Variants in MPPED1 observed in about 807,000 individuals in gnomAD.
MPPED1 encodes metallophosphoesterase domain containing 1, also known as metallophosphoesterase domain-containing protein 1.
Under a neutral mutation model 36.2 loss-of-function variants are expected in MPPED1, and 16 were observed. The ratio of observed to expected loss-of-function variants is 0.44; its 90% confidence interval spans 0.30 to 0.67. The LOEUF (loss-of-function observed/expected upper bound fraction) is 0.67, where lower values mean the gene tolerates loss of function less well. Ranked by LOEUF, MPPED1 falls within the 30% of genes least tolerant of loss-of-function variation. The pLI is 0.10. For missense variants in MPPED1, 307 were observed against 453.4 expected, an observed-to-expected ratio of 0.68 and a Z score of 2.93; for synonymous variants, 199 against 191.3, an observed-to-expected ratio of 1.04 and a Z score of -0.33.
chr22:43,490,917 C>T (rs1230421262), intron 4 of MPPED1, among the ~76,000 whole-genome samples: 1 of 152,202 alleles, frequency 6.6e-6, no homozygotes. Flanking sequence ...CAGGTTAGAA[C>T]TGGGGCAGCC....
chr22:43,425,830 G>A (rs558081253), intron 2 of MPPED1, among the ~76,000 whole-genome samples: 2 of 152,350 alleles, frequency 1.3e-5, no homozygotes, highest in East Asian at 3.9e-4. Flanking sequence ...TCTGCCCCTC[G>A]GGGCATTGGG....
At chr22:43,472,727 C>T (rs759986967) in intron 3 of MPPED1, among the ~76,000 whole-genome samples, 1 of 152,194 alleles carries the variant, frequency 6.6e-6, no homozygotes, top group Non-Finnish European at 1.5e-5. Flanking sequence ...CCTTTCTTAC[C>T]GCCCTGGCCC....
Position 43,505,502 on chromosome 22 carries a change from T to C in MPPED1, c.867T>C (p.Tyr289=), listed in dbSNP as rs1307919508. 1.2e-6 allele frequency: 2 copies of C among 1,607,332 alleles called. No individual in the cohort carries two copies. Among genetic ancestry groups the C allele is most frequent in the Non-Finnish European group, 1.7e-6 (2 of 1,177,066 alleles). Reference sequence around the variant, plus strand: ...GGGCATGTGCTTACTTTCCAGGGTATGGTGTCATGGCAGATGGGACGACCA... The same window carrying C: ...GGGCATGTGCTTACTTTCCAGGGTACGGTGTCATGGCAGATGGGACGACCA... ...LHVFGHIHEG[Y]GVMADGTTTY... Residue 289 remains tyrosine (Y), a synonymous_variant, in exon 7 of 7, where the codon TAT becomes TAC. Transcript: ENST00000443721.
At chr22:43,503,779 G>A (rs1425212657) in intron 6 of MPPED1, among the ~76,000 whole-genome samples, 2 of 152,158 alleles carry the variant, frequency 1.3e-5, no homozygotes, top group Non-Finnish European at 2.9e-5. Flanking sequence ...CCTACTATGG[G>A]CATGTAGCTC....
chr22:43,493,838 G>T (rs1220614308), intron 4 of MPPED1, among the ~76,000 whole-genome samples: 1 of 152,196 alleles, frequency 6.6e-6, no homozygotes, highest in East Asian at 1.9e-4. Flanking sequence ...TCGTCCCAGG[G>T]CAGCAGGCGG....
chr22:43,477,835 G>A (rs987617736), intron 4 of MPPED1, among the ~76,000 whole-genome samples: 6 of 152,212 alleles, frequency 3.9e-5, no homozygotes, highest in African/African-American at 1.4e-4. Context: ...CTTTGGGCAG[G>A]TGGCTCAGCC....
intron 4 of MPPED1, among the ~76,000 whole-genome samples, chr22:43,494,974 A>G (rs961118675): frequency 2.0e-5 from 3 of 152,142 alleles, no homozygotes; most frequent in African/African-American, 7.2e-5. Context: ...ATCCTATTTG[A>G]GAGGGCTCCA....
chr22:43,466,457 C>G (rs17003758), intron 3 of MPPED1, among the ~76,000 whole-genome samples: 7,578 of 152,286 alleles, frequency 0.05, 630 homozygotes, highest in African/African-American at 0.17. Flanking sequence ...CTGGGCTGTG[C>G]TATACATTGC....
In MPPED1 at chr22:43,465,275, C is replaced by A. The variant is rs576650965; in HGVS notation, c.407-9461C>A. Among the ~76,000 whole-genome samples, 4 of 152,312 alleles carry A rather than the reference C, an allele frequency of 2.6e-5. No homozygotes were observed. In the East Asian group the frequency reaches 7.7e-4, roughly 29 times the overall value. On this transcript the variant is annotated intron_variant, in intron 3 of 6. Transcript: ENST00000443721. ...TGATGTCTGCCGAGTGAACGGAGAC[C>A]ATGACAGTTGGGAGGCTGCCACCTG...
chr22:43,485,544 CAG>C (rs1931887270), intron 4 of MPPED1, among the ~76,000 whole-genome samples: 1 of 151,972 alleles, frequency 6.6e-6, no homozygotes. Flanking sequence ...CACTCACACA[CAG>C]AGTCACACAC....
In MPPED1 at chr22:43,456,592, T is replaced by A. The variant is rs142238447; in HGVS notation, c.407-18144T>A. On this transcript the variant is annotated intron_variant, in intron 3 of 6. Transcript: ENST00000443721. ...TAACTGCAACCTCTGCCTCCCAGGT[T>A]CAAGCGATTCCTGTGACTCAGCCTC... Among the ~76,000 whole-genome samples the A allele has an allele frequency of 8.1e-3, 1,231 of 152,286 alleles. 11 individuals carry two copies. The highest frequency in any genetic ancestry group is 0.012 in the Non-Finnish European group (838 of 68,012).
At chr22:43,413,600 T>C (rs1262139710) in intron 1 of MPPED1, among the ~76,000 whole-genome samples, 1 of 152,186 alleles carries the variant, frequency 6.6e-6, no homozygotes, top group Non-Finnish European at 1.5e-5. Context: ...GGAGGCATTC[T>C]GGAGCCAGGC....
chr22:43,490,758 GGGCTCCAGGGAGGACCCTAAGT>G (rs1228515394), intron 4 of MPPED1, among the ~76,000 whole-genome samples: 8 of 152,276 alleles, frequency 5.3e-5, no homozygotes, highest in African/African-American at 1.7e-4. Context: ...GATGGGGCTG[GGGCTCCAGGGAGGACCCTAAGT>G]GGCTTCTAAG....
chr22:43,489,117 G>A (rs1038410995), intron 4 of MPPED1, among the ~76,000 whole-genome samples: 8 of 152,142 alleles, frequency 5.3e-5, no homozygotes, highest in Admixed American at 1.3e-4. Flanking sequence ...CGGGCCTGCC[G>A]GTCACGGTGG....
At chr22:43,486,547 G>A (rs980203128) in intron 4 of MPPED1, among the ~76,000 whole-genome samples, 9 of 152,166 alleles carry the variant, frequency 5.9e-5, no homozygotes, top group Non-Finnish European at 1.2e-4. Context: ...TGCAGCTCCT[G>A]TAGAGTAGAG....
rs1194427015 is a variant in MPPED1, at chr22:43,436,529, AG to A, written c.406+1316del. ...TTTTCAAACGGGAAATTCTAATCAA[AG>A]GCCCTGTTTGGGCTGCAGGAAGTGC... is the stretch of plus-strand genomic sequence containing the variant. On this transcript the variant is annotated intron_variant, in intron 3 of 6. Coordinates refer to ENST00000443721, the MANE Select transcript of MPPED1 (RefSeq NM_001044370.2). Among the ~76,000 whole-genome samples the A allele has an allele frequency of 2.0e-5, 3 of 152,272 alleles. No homozygotes were observed. In the East Asian group the frequency reaches 5.8e-4, roughly 29 times the overall value.
chr22:43,444,392 A>C (rs1230768898), intron 3 of MPPED1, among the ~76,000 whole-genome samples: 1 of 109,630 alleles, frequency 9.1e-6, no homozygotes, highest in East Asian at 2.9e-4. Context: ...TTTGAGATGG[A>C]GTCTTGCCCT....
intron 3 of MPPED1, among the ~76,000 whole-genome samples, chr22:43,439,216 G>A (rs946557583): frequency 1.3e-5 from 2 of 152,220 alleles, no homozygotes; most frequent in African/African-American, 4.8e-5. Flanking sequence ...GTTCATGGGA[G>A]GGGGACGGGT....
intron 3 of MPPED1, among the ~76,000 whole-genome samples, chr22:43,447,605 G>C (rs1447367964): frequency 1.3e-5 from 2 of 151,606 alleles, no homozygotes; most frequent in East Asian, 3.9e-4. Context: ...GAAACCAGCA[G>C]GTGCTGTTAT....
Sources: gnomAD v4.1 joint callset for allele counts (sites outside exome capture counted in the v4.1 genomes callset) on GRCh38, gnomAD v4.1.1 for gene constraint, MANE v1.5 for transcripts, NCBI Gene and HGNC (gene_info 2026-07-23, HGNC 2026-07-21) for gene names.